Variants in MIB1 observed in about 807,000 individuals in gnomAD.
MIB1 encodes the protein E3 ubiquitin-protein ligase MIB1.
A neutral mutation model predicts 124.5 loss-of-function variants in MIB1; 278 were observed. The observed-to-expected ratio is 2.23, with a 90% CI of 2.02 to 2.47. MIB1 has a LOEUF of 2.47. Ranked by LOEUF, MIB1 falls within the 30% of genes most tolerant of loss-of-function variation. MIB1 has a pLI of 0.00. For missense variants in MIB1, 957 were observed against 1,254.4 expected (o/e 0.76, Z 3.58); for synonymous variants, 446 against 429.4 (o/e 1.04, Z -0.48).
rs926159345 is a variant in MIB1 at position 21,838,566 on chromosome 18, A to G, written c.1962+69A>G. 6.8e-5 allele frequency: 88 copies of G among 1,296,332 alleles called. No homozygotes were observed. The African/African-American group carries it at 1.2e-3, about 18-fold the overall frequency. 80.3% of individuals were successfully genotyped at this position (1,296,332 alleles called of 1,614,324 possible). ...AAACAATTTGGGACCATTGCCATTC[A>G]TTTATTTATTGCTTTATAAATTGCC... is the stretch of plus-strand genomic sequence containing the variant. On this transcript the variant is annotated intron_variant, in intron 13 of 20. Coordinates refer to ENST00000261537, the MANE Select transcript of MIB1 (RefSeq NM_020774.4).
intron 6 of MIB1, among the ~76,000 whole-genome samples, chr18:21,783,877 G>T (rs1444792108): frequency 6.6e-6 from 1 of 151,690 alleles, no homozygotes; most frequent in Non-Finnish European, 1.5e-5. Flanking sequence ...CTTCCAAGTG[G>T]CTGGAACTAC....
intron 6 of MIB1, among the ~76,000 whole-genome samples, chr18:21,782,963 A>T (rs1472535007): frequency 2.6e-5 from 4 of 152,096 alleles, no homozygotes; most frequent in Non-Finnish European, 4.4e-5. Flanking sequence ...TCCAGTGTTG[A>T]GTGCATATAT....
intron 10 of MIB1, among the ~76,000 whole-genome samples, chr18:21,808,666 T>G (rs1314048396): frequency 6.6e-6 from 1 of 152,192 alleles, no homozygotes; most frequent in Admixed American, 6.5e-5. Context: ...ATTGACCTAC[T>G]GAATTCAGTA....
chr18:21,742,168 A>T (rs2040861237), intron 1 of MIB1, among the ~76,000 whole-genome samples: 1 of 152,114 alleles, frequency 6.6e-6, no homozygotes, highest in South Asian at 2.1e-4. Context: ...GAAATTAATC[A>T]GCCACCAAGT....
chr18:21,768,856 C>A, intron 3 of MIB1, 104 bp downstream of exon 3: 1 of 977,454 alleles, frequency 1.0e-6, no homozygotes, highest in Non-Finnish European at 1.4e-6. Flanking sequence ...TTTTCCATGC[C>A]AGTAACAGTT....
At chr18:21,846,386 C>T (rs747580398) in intron 15 of MIB1, among the ~76,000 whole-genome samples, 1 of 152,092 alleles carries the variant, frequency 6.6e-6, no homozygotes, top group Non-Finnish European at 1.5e-5. Flanking sequence ...TTTAGACACT[C>T]AATAAATGTT....
At chr18:21,717,399 C>T (rs1217675252) in intron 1 of MIB1, among the ~76,000 whole-genome samples, 2 of 152,204 alleles carry the variant, frequency 1.3e-5, no homozygotes, top group South Asian at 4.1e-4. Context: ...ATAGCTGAGA[C>T]TTAATTAAAC....
In MIB1 at chr18:21,741,695, A is replaced by AC; in HGVS notation, c.114dup (p.Val39ArgfsTer43). ...GGACGGCGGCGAGGGCCATGTGGGCACCGTCCGGAGCTTCGAGAGCCCCGA... is the reference window on the plus strand; with the variant it reads ...GGACGGCGGCGAGGGCCATGTGGGCACCCGTCCGGAGCTTCGAGAGCCCCGA... On this transcript the variant is annotated frameshift_variant, in exon 1 of 21. Transcript: ENST00000261537. LOFTEE classifies it high-confidence loss of function. This position sits in a 1 kb window ranked among gnomAD's most constrained non-coding sequence, Gnocchi z 5.4. 1 of 1,611,508 alleles carries AC rather than the reference A, an allele frequency of 6.2e-7. No individual in the cohort carries two copies. Among genetic ancestry groups the AC allele is most frequent in the Admixed American group, 1.7e-5 (1 of 59,856 alleles).
intron 7 of MIB1, among the ~76,000 whole-genome samples, chr18:21,794,447 CT>C (rs2041550569): frequency 2.0e-4 from 28 of 138,048 alleles, no homozygotes; most frequent in African/African-American, 7.6e-4. Flanking sequence ...AATAGCCTCT[CT>C]CTCTCTCTCT....
At chr18:21,779,861 C>CGTGTGTGTGTGTGT (rs67233506) in intron 6 of MIB1, among the ~76,000 whole-genome samples, 176 bp downstream of exon 6, 1 of 148,498 alleles carries the variant, frequency 6.7e-6, no homozygotes, top group Non-Finnish European at 1.5e-5. Context: ...ATAAGAATTA[C>CGTGTGTGTGTGTGT]GTGTGTGTGT....
At position 21,708,878 on chromosome 18, in the gene MIB1, C is replaced by T. The variant is rs55644434; in HGVS notation, n.167+3755C>T. On this transcript the variant is annotated intron_variant and non_coding_transcript_variant, in intron 1 of 20. Transcript: ENST00000578646. ...GGGATGGTTCCAGATGCAGCAGGTA[C>T]ACAGGGTTCTTAGTAGCAAACAGCA... 7.6e-3 allele frequency among the ~76,000 whole-genome samples: 1,164 copies of T among 152,186 alleles called. 3 individuals carry two copies. Among genetic ancestry groups the T allele is most frequent in the Middle Eastern group, 0.031 (9 of 294 alleles).
At chr18:21,709,883 A>T (rs1477739307) in intron 1 of MIB1, among the ~76,000 whole-genome samples, 1 of 152,242 alleles carries the variant, frequency 6.6e-6, no homozygotes, top group Non-Finnish European at 1.5e-5. Context: ...ATTGAACTGC[A>T]TGTGCAAGGG....
At chr18:21,735,887 T>C (rs1022951539), upstream of MIB1, among the ~76,000 whole-genome samples, 3 of 152,200 alleles carry the variant, frequency 2.0e-5, no homozygotes, top group Non-Finnish European at 2.9e-5. Flanking sequence ...CAGGCACTTA[T>C]AGATAAAACC....
chr18:21,745,504 T>C (rs749157377), intron 1 of MIB1, among the ~76,000 whole-genome samples: 6 of 152,066 alleles, frequency 3.9e-5, no homozygotes, highest in Non-Finnish European at 7.4e-5. Flanking sequence ...TGTACATGCG[T>C]GGTAAAAGTA....
intron 6 of MIB1, among the ~76,000 whole-genome samples, chr18:21,781,392 TA>T (rs2041363665): frequency 1.4e-5 from 1 of 70,524 alleles, no homozygotes; most frequent in East Asian, 7.3e-4. Context: ...TATATATATA[TA>T]TATATATATA....
chr18:21,733,089 G>A (rs775527730), intron 1 of MIB1, among the ~76,000 whole-genome samples: 4 of 152,078 alleles, frequency 2.6e-5, no homozygotes, highest in South Asian at 4.1e-4. Flanking sequence ...CTTTAGGATC[G>A]TACTGGTAAA....
chr18:21,808,200 G>C (rs1317193362), intron 10 of MIB1, among the ~76,000 whole-genome samples: 2 of 152,130 alleles, frequency 1.3e-5, no homozygotes, highest in African/African-American at 4.8e-5. Flanking sequence ...AATATATTTT[G>C]TTCTCTAGTT....
At position 21,791,539 on chromosome 18, in the gene MIB1, G is replaced by A. The variant is rs776106763; in HGVS notation, c.1074G>A (p.Trp358Ter). The change falls in exon 7 of 21, where the codon TGG becomes TGA. Residue 358 changes from tryptophan (W) to a stop codon, truncating the protein, a stop_gained. Transcript: ENST00000261537. LOFTEE classifies it high-confidence loss of function. ...IKLLQRGHGE[W>*]AEAMLPTLGK... ...TTCTACAAAGAGGACATGGAGAATG[G>A]GCTGAAGCGATGCTTCCAGTAAGTA... The A allele has an allele frequency of 6.2e-7, 1 of 1,612,736 alleles. No homozygotes were observed. Among genetic ancestry groups the A allele is most frequent in the African/African-American group, 1.3e-5 (1 of 74,996 alleles).
chr18:21,740,802 G>T lies in MIB1; in HGVS notation c.-782G>T, dbSNP rs1177189539. ...CGCATGCGCACTCTCCTTGGACCCTGGAGAGACGCTTAGGGATCAGTTTTC... is the reference window on the plus strand; with the variant it reads ...CGCATGCGCACTCTCCTTGGACCCTTGAGAGACGCTTAGGGATCAGTTTTC... On this transcript the variant is annotated 5_prime_UTR_variant, in exon 1 of 21. Coordinates refer to ENST00000261537, the MANE Select transcript of MIB1 (RefSeq NM_020774.4). Among the ~76,000 whole-genome samples the T allele has an allele frequency of 6.6e-6, 1 of 151,922 alleles. No individual in the cohort carries two copies. Among genetic ancestry groups the T allele is most frequent in the Non-Finnish European group, 1.5e-5 (1 of 68,022 alleles).
Sources: allele counts gnomAD v4.1 joint callset (sites outside exome capture counted in the v4.1 genomes callset), GRCh38; gene constraint gnomAD v4.1.1; non-coding constraint Gnocchi (gnomAD v3.1); transcripts MANE v1.5; gene names NCBI Gene and HGNC (gene_info 2026-07-23, HGNC 2026-07-21).